The following MTRES1 variants were observed in gnomAD, a reference collection of about 807,000 sequenced individuals.
The protein encoded by MTRES1 is mitochondrial transcription rescue factor 1.
MTRES1 carries 11 observed loss-of-function variants against 17.4 expected under a neutral mutation model. That is an observed-to-expected ratio of 0.63 (90% CI 0.40 to 1.05). The LOEUF is 1.05. MTRES1 is among the 50% of genes least tolerant of loss of function. The probability of loss-of-function intolerance (pLI) is 0.00; values close to 1 mark genes in which losing one functional copy is unlikely to be tolerated. For missense variants in MTRES1, 268 were observed against 276.2 expected, an observed-to-expected ratio of 0.97 and a Z score of 0.21; for synonymous variants, 94 against 99.6, an observed-to-expected ratio of 0.94 and a Z score of 0.34.
chr6:107,048,020 G>A (rs1774449367), intron 3 of MTRES1, among the ~76,000 whole-genome samples: 1 of 152,194 alleles, frequency 6.6e-6, no homozygotes, highest in South Asian at 2.1e-4. Flanking sequence ...CTATGATTAT[G>A]CCTATGAATA....
intron 1 of MTRES1, among the ~76,000 whole-genome samples, chr6:107,038,501 G>A (rs1554227160): frequency 6.6e-6 from 1 of 152,116 alleles, no homozygotes. Flanking sequence ...CTAGTTTGTG[G>A]ATCTCTAGAC....
intron 1 of MTRES1, chr6:107,029,991 GT>G (rs369045606): frequency 0.019 from 10,484 of 552,002 alleles, 3 homozygotes; most frequent in East Asian, 0.038. Flanking sequence ...TTTACAGGGT[GT>G]TTTTTTTTTT....
intron 1 of MTRES1, among the ~76,000 whole-genome samples, chr6:107,038,065 CTT>C (rs1329542131): frequency 5.7e-4 from 85 of 149,906 alleles, no homozygotes; most frequent in African/African-American, 2.0e-3. Flanking sequence ...GAAACAGAGT[CTT>C]TACATTCAGT....
At chr6:107,046,095 C>T (rs180929634) in intron 3 of MTRES1, among the ~76,000 whole-genome samples, 2 of 152,300 alleles carry the variant, frequency 1.3e-5, no homozygotes, top group African/African-American at 4.8e-5. Flanking sequence ...TGACTTGAAC[C>T]GGCAGGCTGG....
intron 1 of MTRES1, 46 bp from the exon 2 acceptor site, chr6:107,039,703 A>G (rs781916005): frequency 5.8e-6 from 9 of 1,544,992 alleles, no homozygotes; most frequent in Non-Finnish European, 7.8e-6. Flanking sequence ...TAATAATGTC[A>G]TGACACTGCA....
intron 1 of MTRES1, among the ~76,000 whole-genome samples, chr6:107,030,695 G>A (rs1293311862): frequency 2.0e-5 from 3 of 152,180 alleles, no homozygotes. Context: ...AAAAAAGCAG[G>A]TGTTTAGAAT....
intron 1 of MTRES1, among the ~76,000 whole-genome samples, 185 bp from the exon 2 acceptor site, chr6:107,039,564 C>T (rs563681743): frequency 1.1e-3 from 163 of 152,260 alleles, no homozygotes; most frequent in Non-Finnish European, 2.0e-3. Context: ...AGGTGATCCA[C>T]CCACCTCAGC....
intron 1 of MTRES1, among the ~76,000 whole-genome samples, chr6:107,033,865 T>A (rs1773923372): frequency 6.6e-6 from 1 of 152,144 alleles, no homozygotes; most frequent in Non-Finnish European, 1.5e-5. Flanking sequence ...ATCTGGGTCC[T>A]CCCTTGTGAC....
At chr6:107,048,813 A>G (rs1774488388) in intron 3 of MTRES1, among the ~76,000 whole-genome samples, 1 of 150,230 alleles carries the variant, frequency 6.7e-6, no homozygotes, top group South Asian at 2.1e-4. Flanking sequence ...AAATTGAACC[A>G]GCAGAACTAC....
At chr6:107,043,501 A>T (rs1191633294) in intron 2 of MTRES1, among the ~76,000 whole-genome samples, 2 of 152,350 alleles carry the variant, frequency 1.3e-5, no homozygotes, top group African/African-American at 4.8e-5. Flanking sequence ...CAGAAAACTT[A>T]ACTACTAATA....
intron 1 of MTRES1, chr6:107,030,205 G>A (rs1358044363): frequency 1.4e-6 from 1 of 717,420 alleles, no homozygotes; most frequent in Non-Finnish European, 2.6e-6. Context: ...GGGGGTTGAG[G>A]GAGCACCAGA....
At position 107,040,244 on chromosome 6, in the gene MTRES1, G is replaced by T. The variant is rs376656015; in HGVS notation, c.470+14G>T. The T allele has an allele frequency of 2.1e-5, 33 of 1,564,464 alleles. No individual in the cohort carries two copies. In the African/African-American group the frequency reaches 4.1e-4, roughly 20 times the overall value. Reference sequence around the variant, plus strand: ...TATTGGGAGAAAGTGAGTATGATACGCATTTCATTATAAACTCGCTCGTAG... The same window carrying T: ...TATTGGGAGAAAGTGAGTATGATACTCATTTCATTATAAACTCGCTCGTAG... On this transcript the variant is annotated intron_variant, in intron 2 of 3. Coordinates refer to ENST00000311381, the MANE Select transcript of MTRES1 (RefSeq NM_016487.5).
rs41313442 is a variant in MTRES1 at position 107,039,904 on chromosome 6, C to A, written c.144C>A (p.Thr48=). ...ATCGATACTTGTATTTTTCTAGTAC[C>A]AAGTTACGTGCACCAAATTATAAAA... is the stretch of plus-strand genomic sequence containing the variant. ...SWNRYLYFSS[T]KLRAPNYKTL... The change falls in exon 2 of 4, where the codon ACC becomes ACA. Residue 48 remains threonine (T), a synonymous_variant. Transcript: ENST00000311381. The A allele has an allele frequency of 6.2e-7, 1 of 1,614,002 alleles. No homozygotes were observed. Among genetic ancestry groups the A allele is most frequent in the South Asian group, 1.1e-5 (1 of 91,070 alleles).
chr6:107,043,904 G>A (rs1216149988), intron 2 of MTRES1, among the ~76,000 whole-genome samples: 3 of 152,198 alleles, frequency 2.0e-5, no homozygotes, highest in Admixed American at 6.5e-5. Flanking sequence ...CAAGGCGGGC[G>A]GATCACGAGG....
intron 1 of MTRES1, among the ~76,000 whole-genome samples, chr6:107,031,394 A>AG (rs1294169910): frequency 2.7e-5 from 4 of 147,904 alleles, no homozygotes; most frequent in Non-Finnish European, 5.9e-5. Flanking sequence ...TCAAAAAAAA[A>AG]AAAAAGAAAA....
At chr6:107,031,445 C>CTTTTTTTTTTTTTTTTTTTTT (rs869143621) in intron 1 of MTRES1, among the ~76,000 whole-genome samples, 1 of 5,228 alleles carries the variant, frequency 1.9e-4, no homozygotes. Flanking sequence ...GCAAAGGAGT[C>CTTTTTTTTTTTTTTTTTTTTT]TTTTCTTTTT....
rs905518961 is a variant in MTRES1, at chr6:107,029,565, C to T, written c.-13+1294C>T. 2.0e-5 allele frequency among the ~76,000 whole-genome samples: 3 copies of T among 149,540 alleles called. No homozygotes were observed. In the East Asian group the frequency reaches 6.0e-4, roughly 30 times the overall value. On this transcript the variant is annotated intron_variant, in intron 1 of 3. Transcript: ENST00000311381. ...CTGGTGTGAACTCGGCTCACTGCAG[C>T]CTCCCCCTCCCAGGTTCAAGCGATT...
intron 3 of MTRES1, among the ~76,000 whole-genome samples, chr6:107,047,258 G>A (rs896376016): frequency 4.0e-5 from 6 of 151,166 alleles, no homozygotes; most frequent in East Asian, 3.9e-4. Context: ...TGTCTTGCTC[G>A]GTTACCCAGG....
intron 1 of MTRES1, among the ~76,000 whole-genome samples, chr6:107,031,681 A>G (rs1773848245): frequency 6.6e-6 from 1 of 151,230 alleles, no homozygotes. Flanking sequence ...GCTCACTGCA[A>G]CCTCTGCCTC....
Sources: gnomAD v4.1 joint callset for allele counts (sites outside exome capture counted in the v4.1 genomes callset) on GRCh38, gnomAD v4.1.1 for gene constraint, MANE v1.5 for transcripts, NCBI Gene and HGNC (gene_info 2026-07-23, HGNC 2026-07-21) for gene names.